Variants in RIPOR1 observed in about 807,000 individuals in gnomAD.
RIPOR1 encodes the protein rho family-interacting cell polarization regulator 1.
In RIPOR1, 58 loss-of-function variants were observed where a neutral mutation model predicts 116.5. That is an observed-to-expected ratio of 0.50 (90% CI 0.40 to 0.62). RIPOR1 has a LOEUF of 0.62. Ranked by LOEUF, RIPOR1 falls within the 20% of genes least tolerant of loss-of-function variation. RIPOR1 has a pLI of 0.00. For synonymous variants in RIPOR1, 605 were observed against 650.0 expected (o/e 0.93, Z 1.05); for missense variants, 1,372 against 1,586.2 (o/e 0.86, Z 2.29).
chr16:67,541,686 T>A lies in RIPOR1; in HGVS notation c.984T>A (p.Ala328=). Residue 328 remains alanine (A), a synonymous_variant, in exon 12 of 22, where the codon GCT becomes GCA. Coordinates refer to ENST00000042381, the MANE Select transcript of RIPOR1 (RefSeq NM_024519.4). This position sits in a 1 kb window ranked among gnomAD's most constrained non-coding sequence, Gnocchi z 4.6. ...PFDKDDQPSA[A]SSVNKASTVT... is the part of the protein sequence containing the mutation. ...ACAAGGATGACCAGCCCTCAGCTGC[T>A]TCTTCTGTCAACAAGGCCTCCACAG... 6.2e-7 allele frequency: 1 copy of A among 1,614,032 alleles called. No individual in the cohort carries two copies. The highest frequency in any genetic ancestry group is 8.5e-7 in the Non-Finnish European group (1 of 1,179,966).
chr16:67,521,530 A>G (rs1379488417), intron 1 of RIPOR1, among the ~76,000 whole-genome samples: 1 of 152,132 alleles, frequency 6.6e-6, no homozygotes, highest in Non-Finnish European at 1.5e-5. Context: ...GAGCTGGGAG[A>G]GGCGAAGACG....
rs1487376985 is a variant in RIPOR1, at chr16:67,529,145, G to A, written c.-24+231G>A. Reference sequence around the variant, plus strand: ...CGCCTCCGGGCCTGCAGAGCCTGGCGCTGCTGCCTTCCTCCCACGGCAAGG... The same window carrying A: ...CGCCTCCGGGCCTGCAGAGCCTGGCACTGCTGCCTTCCTCCCACGGCAAGG... On this transcript the variant is annotated intron_variant, in intron 1 of 21. Transcript: ENST00000042381. This position sits in a 1 kb window ranked among gnomAD's most constrained non-coding sequence, Gnocchi z 4.1. Among the ~76,000 whole-genome samples the A allele has an allele frequency of 6.6e-6, 1 of 152,208 alleles. No homozygotes were observed. Among genetic ancestry groups the A allele is most frequent in the Non-Finnish European group, 1.5e-5 (1 of 68,016 alleles).
rs779575481 is a variant in RIPOR1 at position 67,542,770 on chromosome 16, A to G, written c.1984A>G (p.Thr662Ala). The G allele has an allele frequency of 3.7e-6, 6 of 1,611,970 alleles. No individual in the cohort carries two copies. In the East Asian group the frequency reaches 1.3e-4, roughly 36 times the overall value. ...QTATSPTHPTTSPTHPTTSPI... is the reference protein window; with the variant it reads ...QTATSPTHPTASPTHPTTSPI... ...TGCCACAAGTCCCACCCATCCTACC[A>G]CAAGCCCCACCCATCCCACCACAAG... Residue 662 changes from threonine to alanine, a missense_variant, in exon 13 of 22, where the codon ACA becomes GCA. Coordinates refer to ENST00000042381, the MANE Select transcript of RIPOR1 (RefSeq NM_024519.4). This position sits in a 1 kb window ranked among gnomAD's most constrained non-coding sequence, Gnocchi z 4.6.
Position 67,538,793 on chromosome 16 carries a change from C to G in RIPOR1, c.226C>G (p.Leu76Val), listed in dbSNP as rs778235631. The G allele has an allele frequency of 6.2e-7, 1 of 1,613,472 alleles. No individual in the cohort carries two copies. Among genetic ancestry groups the G allele is most frequent in the Non-Finnish European group, 8.5e-7 (1 of 1,179,984 alleles). ...AKVPQPERLDLVYTALKRGLT... is the reference protein window; with the variant it reads ...AKVPQPERLDVVYTALKRGLT... ...GGTGCCGCAGCCCGAGCGGCTGGAC[C>G]TGGTGTACACGGCGCTGAAGCGGGG... Residue 76 changes from leucine to valine, a missense_variant, in exon 3 of 22, where the codon CTG becomes GTG. Around this residue, in one of 3 missense-constraint regions of RIPOR1, gnomAD observed 165 missense variants for 145.5 expected, o/e 1.13. Transcript: ENST00000042381.
upstream of RIPOR1, among the ~76,000 whole-genome samples, chr16:67,524,193 A>G (rs1008857900): frequency 4.6e-5 from 7 of 152,236 alleles, no homozygotes; most frequent in Non-Finnish European, 2.9e-5. Context: ...GAAAGGAGAA[A>G]TGGCTCTAGG....
chr16:67,540,430 C>G lies in RIPOR1; in HGVS notation c.632-28C>G. 1 of 1,614,156 alleles carries G rather than the reference C, an allele frequency of 6.2e-7. No individual in the cohort carries two copies. Among genetic ancestry groups the G allele is most frequent in the Non-Finnish European group, 8.5e-7 (1 of 1,180,014 alleles). On this transcript the variant is annotated intron_variant, in intron 8 of 21. Transcript: ENST00000042381. The surrounding 1 kb of genome is among the most constrained non-coding windows in gnomAD (Gnocchi z 4.7). ...GCTGAAGAACCCCAATATGGCTCAC[C>G]GACTTCTCCCCTTCTCCTCCAACTC...
chr16:67,519,387 G>A (rs917358086), intron 1 of RIPOR1, among the ~76,000 whole-genome samples: 4 of 152,090 alleles, frequency 2.6e-5, no homozygotes, highest in East Asian at 1.9e-4. Flanking sequence ...CTGGAACTAC[G>A]CCCTCCTAAG....
Position 67,530,357 on chromosome 16 carries a change from G to C in RIPOR1, c.-24+1443G>C, listed in dbSNP as rs868405275. Among the ~76,000 whole-genome samples the C allele has an allele frequency of 6.6e-6, 1 of 152,226 alleles. No individual in the cohort carries two copies. Among genetic ancestry groups the C allele is most frequent in the African/African-American group, 2.4e-5 (1 of 41,462 alleles). ...GACAGCCTCCGCCCGGTTCCGGGGTGGGGGGTCCGGGGCTGTGCCGCTCCC... is the reference window on the plus strand; with the variant it reads ...GACAGCCTCCGCCCGGTTCCGGGGTCGGGGGTCCGGGGCTGTGCCGCTCCC... On this transcript the variant is annotated intron_variant, in intron 1 of 21. Transcript: ENST00000042381. This position sits in a 1 kb window ranked among gnomAD's most constrained non-coding sequence, Gnocchi z 4.5.
chr16:67,522,517 A>T (rs2050504021), intron 1 of RIPOR1, among the ~76,000 whole-genome samples: 1 of 151,854 alleles, frequency 6.6e-6, no homozygotes, highest in Non-Finnish European at 1.5e-5. Flanking sequence ...TTGTATTTTT[A>T]GTAGAGACGG....
In RIPOR1 at chr16:67,542,627, G is replaced by A; in HGVS notation, c.1841G>A (p.Ser614Asn). ...CCAAGCCCTACCCATACCACAGCAA[G>A]CCCCACTCATACTTCCACAAGCCCC... ...TMPSPTHTTA[S>N]PTHTSTSPTH... Residue 614 changes from serine to asparagine, a missense_variant, in exon 13 of 22, where the codon AGC becomes AAC. Ser to Asn is a conservative substitution (Grantham distance 46, BLOSUM62 1). Transcript: ENST00000042381. This position sits in a 1 kb window ranked among gnomAD's most constrained non-coding sequence, Gnocchi z 4.6. The A allele has an allele frequency of 3.1e-6, 5 of 1,613,054 alleles. No individual in the cohort carries two copies. Among genetic ancestry groups the A allele is most frequent in the Non-Finnish European group, 4.2e-6 (5 of 1,179,708 alleles).
intron 1 of RIPOR1, among the ~76,000 whole-genome samples, chr16:67,534,320 A>G (rs1393557808): frequency 1.3e-5 from 2 of 151,830 alleles, no homozygotes; most frequent in Admixed American, 6.6e-5. Context: ...GGGTTTCACC[A>G]TGTTGGCCAG....
Position 67,542,159 on chromosome 16 carries a change from C to T in RIPOR1, c.1373C>T (p.Ala458Val). ...LSHISEASVD[A>V]ALAEASVEAV... Reference sequence around the variant, plus strand: ...CACATCAGTGAGGCTAGTGTAGATGCTGCCTTGGCTGAGGCTTCAGTGGAG... The same window carrying T: ...CACATCAGTGAGGCTAGTGTAGATGTTGCCTTGGCTGAGGCTTCAGTGGAG... Residue 458 changes from alanine to valine, a missense_variant, in exon 13 of 22, where the codon GCT becomes GTT. Around this residue, in one of 3 missense-constraint regions of RIPOR1, gnomAD observed 1,005 missense variants for 1,144.7 expected, o/e 0.88. Transcript: ENST00000042381. The surrounding 1 kb of genome is among the most constrained non-coding windows in gnomAD (Gnocchi z 4.6). 6.2e-7 allele frequency: 1 copy of T among 1,613,220 alleles called. No individual in the cohort carries two copies. The highest frequency in any genetic ancestry group is 8.5e-7 in the Non-Finnish European group (1 of 1,179,622).
At chr16:67,523,674 T>C (rs1471961403) in intron 1 of RIPOR1, among the ~76,000 whole-genome samples, 2 of 149,288 alleles carry the variant, frequency 1.3e-5, no homozygotes, top group South Asian at 2.1e-4. Context: ...CTGAAAAAAC[T>C]ACCCTTAAAC....
At chr16:67,525,804 G>C (rs2050535186), upstream of RIPOR1, among the ~76,000 whole-genome samples, 1 of 152,084 alleles carries the variant, frequency 6.6e-6, no homozygotes, top group African/African-American at 2.4e-5. Context: ...ATTCAAACAG[G>C]GCCGAGCTGA....
rs2142416583 is a variant in RIPOR1 at position 67,529,725 on chromosome 16, G to A, written c.-24+811G>A. 2 of 1,528,618 alleles carry A rather than the reference G, an allele frequency of 1.3e-6. No individual in the cohort carries two copies. The highest frequency in any genetic ancestry group is 1.2e-5 in the South Asian group (1 of 83,188). 94.7% of individuals were successfully genotyped at this position (1,528,618 alleles called of 1,614,324 possible). A position where few individuals can be genotyped will look rare whatever the true frequency, so the allele number is the denominator to read the frequency against. On this transcript the variant is annotated intron_variant, in intron 1 of 21. Transcript: ENST00000042381. This position sits in a 1 kb window ranked among gnomAD's most constrained non-coding sequence, Gnocchi z 4.1. ...CTGGCCGCCCCAGCACCTACTGTGC[G>A]CAGCCTCGTGTAACAATACTTGTGC...
chr16:67,525,595 G>A (rs1443833231), upstream of RIPOR1, among the ~76,000 whole-genome samples: 1 of 152,138 alleles, frequency 6.6e-6, no homozygotes, highest in Non-Finnish European at 1.5e-5. Context: ...AACTAGCAGT[G>A]CCGTGTGTGA....
chr16:67,544,592 G>A lies in RIPOR1; in HGVS notation c.2734-103G>A, dbSNP rs923174442. On this transcript the variant is annotated intron_variant, in intron 15 of 21. Transcript: ENST00000042381. The surrounding 1 kb of genome is among the most constrained non-coding windows in gnomAD (Gnocchi z 5.1). ...GCTGAATGGAGTATCTCCCAACTCT[G>A]CAACCCCAACCTCCCCCAGTGCATG... is the stretch of plus-strand genomic sequence containing the variant. 3.8e-6 allele frequency: 6 copies of A among 1,569,240 alleles called. No individual in the cohort carries two copies. Among genetic ancestry groups the A allele is most frequent in the Non-Finnish European group, 4.3e-6 (5 of 1,156,178 alleles).
chr16:67,541,879 C>T lies in RIPOR1; in HGVS notation c.1093C>T (p.Arg365Trp), dbSNP rs201567223. The T allele has an allele frequency of 2.7e-5, 43 of 1,609,166 alleles. No homozygotes were observed. The highest frequency in any genetic ancestry group is 3.3e-5 in the Admixed American group (2 of 59,766). The change falls in exon 13 of 22, where the codon CGG (arginine) becomes TGG (tryptophan). Residue 365 changes from arginine to tryptophan, a missense_variant. Physicochemically the swap from Arg to Trp is moderately radical, Grantham distance 101. Around this residue, in one of 3 missense-constraint regions of RIPOR1, gnomAD observed 1,005 missense variants for 1,144.7 expected, o/e 0.88. Transcript: ENST00000042381. The surrounding 1 kb of genome is among the most constrained non-coding windows in gnomAD (Gnocchi z 4.6). ...REQAFYNMLR[R>W]QEELENGTAW... is the part of the protein sequence containing the mutation. ...TCCTCTTTCTCAGAACATGCTGCGA[C>T]GGCAGGAGGAGCTGGAGAATGGGAC...
upstream of RIPOR1, chr16:67,528,492 G>A (rs915384397): frequency 6.6e-6 from 1 of 152,494 alleles, no homozygotes; most frequent in East Asian, 1.9e-4. Context: ...GCCAGCAGTA[G>A]CAGCTCCAGG....
Sources: gnomAD v4.1 joint callset for allele counts (sites outside exome capture counted in the v4.1 genomes callset) on GRCh38, gnomAD v4.1.1 for gene constraint, gnomAD v4.1.1 regional missense constraint, Gnocchi (gnomAD v3.1) non-coding constraint, MANE v1.5 for transcripts, NCBI Gene and HGNC (gene_info 2026-07-23, HGNC 2026-07-21) for gene names.